The following FGFR2 variants were observed in gnomAD, a reference collection of about 807,000 sequenced individuals.
FGFR2 encodes the protein fibroblast growth factor receptor 2, also known as BEK fibroblast growth factor receptor.
Under a neutral mutation model 95.9 loss-of-function variants are expected in FGFR2, and 19 were observed. The ratio of observed to expected loss-of-function variants is 0.20; its 90% CI spans 0.14 to 0.29. The LOEUF (loss-of-function observed/expected upper bound fraction) is 0.29, where lower values mean the gene tolerates loss of function less well. Among genes scored for constraint, FGFR2 ranks in the 10% least tolerant of loss-of-function variants. FGFR2 has a pLI of 1.00. For synonymous variants in FGFR2, 392 were observed against 393.3 expected, an observed-to-expected ratio of 1.00 and a Z score of 0.04; for missense variants, 707 against 1,056.9, an observed-to-expected ratio of 0.67 and a Z score of 4.59.
intron 13 of FGFR2, among the ~76,000 whole-genome samples, chr10:121,492,558 C>T (rs561047756): frequency 6.6e-6 from 1 of 152,328 alleles, no homozygotes; most frequent in Admixed American, 6.5e-5. Context: ...TTCCTTCAGG[C>T]AAGCAGGTCT....
chr10:121,527,310 G>A (rs1314688004), intron 6 of FGFR2, among the ~76,000 whole-genome samples: 1 of 152,174 alleles, frequency 6.6e-6, no homozygotes, highest in African/African-American at 2.4e-5. Context: ...AGGGCTGTGT[G>A]TTATTTACAC....
In FGFR2 at chr10:121,593,434, C is replaced by T. The variant is rs144837327; in HGVS notation, c.109+275G>A. Among the ~76,000 whole-genome samples, 10 of 152,234 alleles carry T rather than the reference C, an allele frequency of 6.6e-5. No individual in the cohort carries two copies. In the East Asian group the frequency reaches 1.7e-3, roughly 26 times the overall value. On this transcript the variant is annotated intron_variant, in intron 2 of 17. Transcript: ENST00000358487. ...TCATCCCTTCCACAGCTCTCTCGGGCACTGGATAAAGGCCAACTCCCAGCT... is the reference window on the plus strand; with the variant it reads ...TCATCCCTTCCACAGCTCTCTCGGGTACTGGATAAAGGCCAACTCCCAGCT...
chr10:121,503,861 G>A lies in FGFR2; in HGVS notation c.1368C>T (p.Asp456=), dbSNP rs1847920412. The A allele has an allele frequency of 3.7e-6, 6 of 1,614,020 alleles. No individual in the cohort carries two copies. In the South Asian group the frequency reaches 5.5e-5, roughly 15 times the overall value. Reference sequence around the variant, plus strand: ...CGGAGACCCCTGCCAGCATGGGGGTGTCTGCCGTTGAAGAGAGGCGTGTTG... The same window carrying A: ...CGGAGACCCCTGCCAGCATGGGGGTATCTGCCGTTGAAGAGAGGCGTGTTG... ...RITTRLSSTA[D]TPMLAGVSEY... Residue 456 remains aspartate (D), a synonymous_variant, in exon 10 of 18, where the codon GAC becomes GAT. Transcript: ENST00000358487.
At chr10:121,524,131 C>T (rs1246447318) in intron 6 of FGFR2, among the ~76,000 whole-genome samples, 3 of 149,170 alleles carry the variant, frequency 2.0e-5, no homozygotes, top group Non-Finnish European at 4.5e-5. Flanking sequence ...CACACACACA[C>T]ACACACACAC....
At chr10:121,510,311 A>G (rs958180295) in intron 9 of FGFR2, among the ~76,000 whole-genome samples, 3 of 152,148 alleles carry the variant, frequency 2.0e-5, no homozygotes, top group Admixed American at 1.3e-4. Flanking sequence ...CGCATCAGCC[A>G]AGGTCCAGGT....
chr10:121,516,789 A>G (rs1486216250), intron 8 of FGFR2, among the ~76,000 whole-genome samples: 1 of 152,214 alleles, frequency 6.6e-6, no homozygotes, highest in Non-Finnish European at 1.5e-5. Flanking sequence ...AGTCCATCCT[A>G]TCGCAACATG....
chr10:121,517,039 G>A lies in FGFR2; in HGVS notation c.1084+280C>T, dbSNP rs1849777800. Among the ~76,000 whole-genome samples the A allele has an allele frequency of 6.6e-6, 1 of 152,150 alleles. No individual in the cohort carries two copies. The highest frequency in any genetic ancestry group is 2.4e-5 in the African/African-American group (1 of 41,432). On this transcript the variant is annotated intron_variant, in intron 8 of 17. Coordinates refer to ENST00000358487, the MANE Select transcript of FGFR2 (RefSeq NM_000141.5). The surrounding 1 kb of genome is among the most constrained non-coding windows in gnomAD (Gnocchi z 4.7). ...CAACTTGTTCCTTAAGAGAAAGGGG[G>A]ATGGGCTAATTTATACATTGGCTCA...
intron 9 of FGFR2, among the ~76,000 whole-genome samples, chr10:121,508,157 G>A (rs1848565159): frequency 1.3e-5 from 2 of 152,160 alleles, no homozygotes; most frequent in South Asian, 2.1e-4. Context: ...AATCCCCAAC[G>A]CATACCAAGC....
intron 2 of FGFR2, among the ~76,000 whole-genome samples, chr10:121,580,909 G>A (rs945650416): frequency 6.5e-5 from 7 of 107,120 alleles, no homozygotes; most frequent in Non-Finnish European, 1.6e-4. Context: ...ATCTCAGAAG[G>A]GCTGTGCGCC....
At chr10:121,593,205 A>G (rs1862929674) in intron 2 of FGFR2, among the ~76,000 whole-genome samples, 1 of 152,198 alleles carries the variant, frequency 6.6e-6, no homozygotes, top group South Asian at 2.1e-4. Context: ...GCTAAAAAAA[A>G]ATTCTGAGAT....
intron 6 of FGFR2, among the ~76,000 whole-genome samples, chr10:121,532,779 A>T (rs1430761651): frequency 6.6e-6 from 1 of 152,240 alleles, no homozygotes; most frequent in Non-Finnish European, 1.5e-5. Context: ...CGAGCTTATC[A>T]GTCAGTGCTT....
At chr10:121,526,576 G>A (rs1851397742) in intron 6 of FGFR2, among the ~76,000 whole-genome samples, 1 of 152,152 alleles carries the variant, frequency 6.6e-6, no homozygotes, top group African/African-American at 2.4e-5. Context: ...CACAAAGGAA[G>A]GTCAGAACTA....
Position 121,598,017 on chromosome 10 carries a change from G to T in FGFR2, c.-206C>A, listed in dbSNP as rs1238787517. The T allele has an allele frequency of 2.5e-5, 10 of 396,396 alleles. No individual in the cohort carries two copies. The highest frequency in any genetic ancestry group is 4.4e-5 in the Admixed American group (1 of 22,656). 24.6% of individuals were successfully genotyped at this position (396,396 alleles called of 1,614,324 possible). On this transcript the variant is annotated 5_prime_UTR_variant, in exon 1 of 18. Transcript: ENST00000358487. ...GTTGTCCCCGCGCCCCGCGTGGGTC[G>T]GGATGGAGAAAGCGACGAGCCCGGG...
intron 9 of FGFR2, among the ~76,000 whole-genome samples, chr10:121,506,885 A>C (rs1848366903): frequency 6.6e-6 from 1 of 152,262 alleles, no homozygotes; most frequent in Admixed American, 6.5e-5. Flanking sequence ...TTCTAGAAGA[A>C]GTACTTTATT....
At position 121,485,681 on chromosome 10, in the gene FGFR2, C is replaced by CAGGG; in HGVS notation, c.2058-150_2058-149insCCCT. On this transcript the variant is annotated intron_variant, in intron 15 of 17. Coordinates refer to ENST00000358487, the MANE Select transcript of FGFR2 (RefSeq NM_000141.5). This position sits in a 1 kb window ranked among gnomAD's most constrained non-coding sequence, Gnocchi z 4.2. ...AGTTCCTCCTATGTGCTCTTTCCTG[C>CAGGG]CCTGCAAGAGCATCCCCGAATGATG... 1 of 1,013,324 alleles carries CAGGG rather than the reference C, an allele frequency of 9.9e-7. No individual in the cohort carries two copies. The highest frequency in any genetic ancestry group is 1.5e-6 in the Non-Finnish European group (1 of 672,936). The allele number at this position is 1,013,324 out of a possible 1,614,324, so 62.8% of individuals were successfully genotyped here.
At chr10:121,556,003 C>T (rs1487510188) in intron 4 of FGFR2, among the ~76,000 whole-genome samples, 3 of 152,092 alleles carry the variant, frequency 2.0e-5, no homozygotes, top group Non-Finnish European at 2.9e-5. Context: ...TGTCTCTGTA[C>T]TGAAAAATAC....
chr10:121,488,494 T>A (rs1427757474), intron 13 of FGFR2, among the ~76,000 whole-genome samples: 1 of 136,834 alleles, frequency 7.3e-6, no homozygotes, highest in Non-Finnish European at 1.5e-5. Context: ...TGAGCTGAGA[T>A]CACGCCATTG....
chr10:121,522,053 T>C (rs1437516586), intron 6 of FGFR2, among the ~76,000 whole-genome samples: 1 of 152,220 alleles, frequency 6.6e-6, no homozygotes, highest in East Asian at 1.9e-4. Context: ...AGACACTGCC[T>C]GACTCCACTG....
chr10:121,519,892 A>C, intron 7 of FGFR2, 87 bp downstream of exon 7: 1 of 1,294,582 alleles, frequency 7.7e-7, no homozygotes, highest in African/African-American at 1.5e-5. Context: ...ATCCTCTCTC[A>C]ACTCCAACAG....
Sources: allele counts gnomAD v4.1 joint callset (sites outside exome capture counted in the v4.1 genomes callset), GRCh38; gene constraint gnomAD v4.1.1; non-coding constraint Gnocchi (gnomAD v3.1); transcripts MANE v1.5; gene names NCBI Gene and HGNC (gene_info 2026-07-23, HGNC 2026-07-21).